The following ACSM5 variants were observed in gnomAD, a reference collection of about 807,000 sequenced individuals.
ACSM5 encodes the protein acyl-coenzyme A synthetase ACSM5, mitochondrial.
In ACSM5, 56 loss-of-function variants were observed where a neutral mutation model predicts 71.6. The ratio of observed to expected loss-of-function variants is 0.78; its 90% CI spans 0.63 to 0.98. ACSM5 has a LOEUF of 0.98. ACSM5 is among the 50% of genes least tolerant of loss of function. ACSM5 has a pLI of 0.00. For synonymous variants in ACSM5, 285 were observed against 281.5 expected, an observed-to-expected ratio of 1.01 and a Z score of -0.12; for missense variants, 723 against 726.0, an observed-to-expected ratio of 1.00 and a Z score of 0.05.
intron 10 of ACSM5, among the ~76,000 whole-genome samples, chr16:20,433,156 C>T (rs1398923704): frequency 1.3e-5 from 2 of 152,090 alleles, no homozygotes; most frequent in Non-Finnish European, 2.9e-5. Flanking sequence ...CCACAGTGCC[C>T]GGCCCAGCTC....
At chr16:20,439,204 T>G (rs1464295980) in intron 12 of ACSM5, among the ~76,000 whole-genome samples, 6 of 140,576 alleles carry the variant, frequency 4.3e-5, no homozygotes, top group Non-Finnish European at 9.1e-5. Flanking sequence ...TTGTTGTGCT[T>G]GAGTCTGGGA....
chr16:20,425,429 T>TA (rs1009471294), intron 6 of ACSM5, among the ~76,000 whole-genome samples: 26 of 151,970 alleles, frequency 1.7e-4, no homozygotes, highest in Admixed American at 8.5e-4. Flanking sequence ...ATTCTTTTTT[T>TA]AAAAAAAAAT....
At chr16:20,437,948 C>A (rs1279772208) in intron 12 of ACSM5, among the ~76,000 whole-genome samples, 1 of 152,098 alleles carries the variant, frequency 6.6e-6, no homozygotes, top group African/African-American at 2.4e-5. Flanking sequence ...CCAGCACCCC[C>A]CCCAGTAGCT....
chr16:20,429,786 T>C lies in ACSM5; in HGVS notation c.1110T>C (p.Tyr370=). The C allele has an allele frequency of 6.2e-7, 1 of 1,612,600 alleles. No homozygotes were observed. Among genetic ancestry groups the C allele is most frequent in the South Asian group, 1.1e-5 (1 of 90,778 alleles). Residue 370 remains tyrosine, a synonymous_variant, in exon 8 of 14, where the codon TAT becomes TAC. Transcript: ENST00000331849. ...HQTGVELYEG[Y]GQSETVVICA... The stretch of plus-strand genomic sequence containing the variant: ...CTGGTGTGGAGCTGTACGAAGGCTA[T>C]GGCCAGTCTGAAACGGTGAGTGCTG...
chr16:20,432,416 G>T (rs1967116294), intron 10 of ACSM5, among the ~76,000 whole-genome samples: 1 of 152,100 alleles, frequency 6.6e-6, no homozygotes, highest in Admixed American at 6.6e-5. Flanking sequence ...TTTTCAAAAT[G>T]TTGCATTTTA....
At chr16:20,429,946 C>A (rs1967062238) in intron 8 of ACSM5, 145 bp downstream of exon 8, 1 of 964,104 alleles carries the variant, frequency 1.0e-6, no homozygotes, top group Non-Finnish European at 1.5e-6. Context: ...AGCTTTCCTT[C>A]CCTTTTGATT....
intron 10 of ACSM5, among the ~76,000 whole-genome samples, chr16:20,432,723 G>T (rs938582820): frequency 1.3e-5 from 2 of 151,834 alleles, no homozygotes; most frequent in South Asian, 2.1e-4. Flanking sequence ...CTTTCTGGTT[G>T]TGAGATTGTT....
At chr16:20,435,031 T>TTTTTG (rs1259836100) in intron 10 of ACSM5, among the ~76,000 whole-genome samples, 2 of 152,134 alleles carry the variant, frequency 1.3e-5, no homozygotes, top group East Asian at 1.9e-4. Flanking sequence ...AATTAAGTCT[T>TTTTTG]TTTTGTTTTG....
At chr16:20,433,504 T>C (rs2141658936) in intron 10 of ACSM5, among the ~76,000 whole-genome samples, 2 of 152,256 alleles carry the variant, frequency 1.3e-5, no homozygotes, top group African/African-American at 4.8e-5. Flanking sequence ...CTATCTAAAT[T>C]TCTAATATCA....
At chr16:20,419,085 T>C in intron 3 of ACSM5, 143 bp from the exon 4 acceptor site, 1 of 717,166 alleles carries the variant, frequency 1.4e-6, no homozygotes, top group Non-Finnish European at 2.4e-6. Flanking sequence ...GGCTAGGGTT[T>C]TTAGGCTGTT....
intron 8 of ACSM5, among the ~76,000 whole-genome samples, chr16:20,430,665 G>T (rs755460997): frequency 2.7e-5 from 4 of 150,302 alleles, no homozygotes; most frequent in Non-Finnish European, 5.9e-5. Flanking sequence ...GAAGAAGGGA[G>T]GAGAGAGGAA....
At chr16:20,427,527 A>G (rs1302592642) in intron 6 of ACSM5, among the ~76,000 whole-genome samples, 2 of 152,226 alleles carry the variant, frequency 1.3e-5, no homozygotes, top group African/African-American at 2.4e-5. Flanking sequence ...GTATAACCGA[A>G]TCTTGAAAGT....
intron 9 of ACSM5, 65 bp downstream of exon 9, chr16:20,431,138 T>G: frequency 6.3e-7 from 1 of 1,599,446 alleles, no homozygotes; most frequent in Non-Finnish European, 8.6e-7. Context: ...ACAGGCCTGG[T>G]TGGCACGGGC....
At position 20,419,287 on chromosome 16, in the gene ACSM5, C is replaced by A. The variant is rs1312007207; in HGVS notation, c.475C>A (p.Gln159Lys). 6.2e-7 allele frequency: 1 copy of A among 1,614,108 alleles called. No individual in the cohort carries two copies. The highest frequency in any genetic ancestry group is 2.2e-5 in the East Asian group (1 of 44,880). The change falls in exon 4 of 14, where the codon CAG becomes AAG. Residue 159 changes from glutamine (Q) to lysine (K), a missense_variant. Coordinates refer to ENST00000331849, the MANE Select transcript of ACSM5 (RefSeq NM_017888.3). ...AGAGAAGGACCTCAAGTACCGGCTG[C>A]AGGCGTCCAGGGCCAAGTCCATTAT... ...LTEKDLKYRLQASRAKSIITS... is the reference protein window; with the variant it reads ...LTEKDLKYRLKASRAKSIITS...
chr16:20,426,645 A>G (rs1201868968), intron 6 of ACSM5, among the ~76,000 whole-genome samples: 4 of 152,262 alleles, frequency 2.6e-5, no homozygotes, highest in Non-Finnish European at 5.9e-5. Flanking sequence ...TAAGTGAAAC[A>G]TGCCAGTCAT....
chr16:20,413,392 T>A (rs1422869478), intron 2 of ACSM5, among the ~76,000 whole-genome samples: 1 of 152,194 alleles, frequency 6.6e-6, no homozygotes, highest in Non-Finnish European at 1.5e-5. Flanking sequence ...TGAAGAACTG[T>A]TGTTATTTGA....
chr16:20,422,623 T>G (rs550523666), intron 5 of ACSM5, among the ~76,000 whole-genome samples: 1 of 152,314 alleles, frequency 6.6e-6, no homozygotes, highest in African/African-American at 2.4e-5. Context: ...ATTGGGTATT[T>G]TGAGCAGAGG....
chr16:20,437,576 C>T (rs897560571), intron 12 of ACSM5, among the ~76,000 whole-genome samples: 19 of 150,798 alleles, frequency 1.3e-4, no homozygotes, highest in Admixed American at 5.9e-4. Context: ...CAACACTTTG[C>T]TTTTAAATGG....
At chr16:20,424,144 C>T (rs749667645) in intron 6 of ACSM5, 75 bp downstream of exon 6, 115 of 1,533,152 alleles carry the variant, frequency 7.5e-5, no homozygotes, top group Non-Finnish European at 1.0e-4. Flanking sequence ...TTTCAGACTG[C>T]AGGAGAAAAC....
Sources: allele counts gnomAD v4.1 joint callset (sites outside exome capture counted in the v4.1 genomes callset), GRCh38; gene constraint gnomAD v4.1.1; transcripts MANE v1.5; gene names NCBI Gene and HGNC (gene_info 2026-07-23, HGNC 2026-07-21).